Variants in FRS2 observed in about 807,000 individuals in gnomAD.
FRS2 encodes the protein fibroblast growth factor receptor substrate 2.
Under a neutral mutation model 43.9 loss-of-function variants are expected in FRS2, and 8 were observed. The observed-to-expected ratio is 0.18, with a 90% CI of 0.11 to 0.33. The LOEUF is 0.33. FRS2 is among the 10% of genes least tolerant of loss of function. The probability of loss-of-function intolerance (pLI) is 1.00; values close to 1 mark genes in which losing one functional copy is unlikely to be tolerated. For synonymous variants in FRS2, 219 were observed against 220.3 expected, an observed-to-expected ratio of 0.99 and a Z score of 0.05; for missense variants, 534 against 627.6, an observed-to-expected ratio of 0.85 and a Z score of 1.59.
chr12:69,519,465 G>A (rs940271206), intron 1 of FRS2, among the ~76,000 whole-genome samples: 1 of 152,134 alleles, frequency 6.6e-6, no homozygotes, highest in African/African-American at 2.4e-5. Flanking sequence ...TGGTAAACTT[G>A]TGTTACGGGG....
intron 1 of FRS2, among the ~76,000 whole-genome samples, chr12:69,525,309 T>C (rs1876105674): frequency 6.6e-6 from 1 of 152,164 alleles, no homozygotes; most frequent in Non-Finnish European, 1.5e-5. Flanking sequence ...TTTGTGAGTA[T>C]TCAAGAGGAA....
At chr12:69,525,245 T>G (rs1326312604) in intron 1 of FRS2, among the ~76,000 whole-genome samples, 1 of 151,990 alleles carries the variant, frequency 6.6e-6, no homozygotes, top group African/African-American at 2.4e-5. Context: ...CTAGAATGTG[T>G]GTAGCATGTT....
intron 3 of FRS2, among the ~76,000 whole-genome samples, chr12:69,544,303 C>T: frequency 6.6e-6 from 1 of 151,966 alleles, no homozygotes; most frequent in East Asian, 1.9e-4. Context: ...ATGTAATATA[C>T]ACATTAAAAG....
At chr12:69,543,594 G>A (rs952251314) in intron 3 of FRS2, among the ~76,000 whole-genome samples, 5 of 151,254 alleles carry the variant, frequency 3.3e-5, no homozygotes, top group Non-Finnish European at 5.9e-5. Context: ...AAAGGGTGTA[G>A]CATCATGGGC....
In FRS2 at chr12:69,470,501, C is replaced by G. The variant is rs1169923025; in HGVS notation, c.-290C>G. On this transcript the variant is annotated 5_prime_UTR_variant, in exon 1 of 9. Coordinates refer to ENST00000549921, the MANE Select transcript of FRS2 (RefSeq NM_001278356.2). ...GGGGGTTCGCGCCCGCCGACCCGCG[C>G]CCTGCTCCCTCTCAGCACCTGGGCG... 2.5e-6 allele frequency: 1 copy of G among 398,560 alleles called. No individual in the cohort carries two copies. Among genetic ancestry groups the G allele is most frequent in the Non-Finnish European group, 4.4e-6 (1 of 226,146 alleles). 24.7% of individuals were successfully genotyped at this position (398,560 alleles called of 1,614,324 possible).
intron 1 of FRS2, among the ~76,000 whole-genome samples, chr12:69,472,197 C>G (rs779470350): frequency 6.6e-6 from 1 of 150,414 alleles, no homozygotes; most frequent in Non-Finnish European, 1.5e-5. Flanking sequence ...AGCAGTCCTT[C>G]TGTCTCAGAC....
chr12:69,528,731 A>G (rs137911324), intron 1 of FRS2, among the ~76,000 whole-genome samples: 2,409 of 152,312 alleles, frequency 0.016, 20 homozygotes, highest in Non-Finnish European at 0.024. Context: ...ATTCTTTACA[A>G]ATTCTTTGCC....
Position 69,493,494 on chromosome 12 carries a change from G to A in FRS2, c.-261+22964G>A, listed in dbSNP as rs370341131. ...CCAGCACTTTGGAAGGCCAAGGCGG[G>A]TGGATCACCTGAGGTCGGGAGTTCA... is the stretch of plus-strand genomic sequence containing the variant. On this transcript the variant is annotated intron_variant, in intron 1 of 8. Coordinates refer to ENST00000549921, the MANE Select transcript of FRS2 (RefSeq NM_001278356.2). Among the ~76,000 whole-genome samples the A allele has an allele frequency of 1.5e-3, 234 of 152,364 alleles. 1 individual carries two copies. The highest frequency in any genetic ancestry group is 5.4e-3 in the African/African-American group (226 of 41,590).
intron 1 of FRS2, among the ~76,000 whole-genome samples, chr12:69,521,386 C>G (rs1402898288): frequency 6.6e-6 from 1 of 152,078 alleles, no homozygotes; most frequent in African/African-American, 2.4e-5. Context: ...ATTTGAATGC[C>G]CTTTATTTCT....
chr12:69,555,398 T>C (rs947147459), intron 3 of FRS2, among the ~76,000 whole-genome samples: 1 of 152,198 alleles, frequency 6.6e-6, no homozygotes, highest in Non-Finnish European at 1.5e-5. Context: ...TGTCATTAAA[T>C]AGCTTTTGAA....
chr12:69,547,830 CTTT>C (rs71094722), intron 3 of FRS2, among the ~76,000 whole-genome samples: 2 of 102,726 alleles, frequency 1.9e-5, no homozygotes, highest in African/African-American at 7.2e-5. Flanking sequence ...TCCATTAATA[CTTT>C]TTTTTTTTTT....
At chr12:69,543,777 A>G (rs879427518) in intron 3 of FRS2, among the ~76,000 whole-genome samples, 15 of 152,224 alleles carry the variant, frequency 9.9e-5, no homozygotes, top group Non-Finnish European at 1.9e-4. Context: ...AGATAGGAAC[A>G]TAATTAGTGT....
chr12:69,473,815 G>A (rs1309883962), intron 1 of FRS2, among the ~76,000 whole-genome samples: 1 of 152,200 alleles, frequency 6.6e-6, no homozygotes, highest in Non-Finnish European at 1.5e-5. Flanking sequence ...GGGGTTTTTG[G>A]AGCAGGTTTG....
chr12:69,544,944 T>A (rs1204308440), intron 3 of FRS2, among the ~76,000 whole-genome samples: 1 of 151,968 alleles, frequency 6.6e-6, no homozygotes, highest in Admixed American at 6.6e-5. Flanking sequence ...TGGAAAGAAG[T>A]AAAGTGGTCT....
At chr12:69,502,894 A>C (rs1467917428) in intron 1 of FRS2, among the ~76,000 whole-genome samples, 1 of 152,194 alleles carries the variant, frequency 6.6e-6, no homozygotes, top group African/African-American at 2.4e-5. Context: ...CAGCATCAGC[A>C]GCAGCTGCCG....
At chr12:69,513,565 G>A (rs1043675762) in intron 1 of FRS2, among the ~76,000 whole-genome samples, 10 of 152,120 alleles carry the variant, frequency 6.6e-5, no homozygotes, top group Non-Finnish European at 1.2e-4. Flanking sequence ...AGGAGTGTGC[G>A]TTAGCCTGTG....
intron 5 of FRS2, among the ~76,000 whole-genome samples, chr12:69,569,406 T>TG: frequency 6.6e-6 from 1 of 152,318 alleles, no homozygotes; most frequent in South Asian, 2.1e-4. Flanking sequence ...TTTTCATGTG[T>TG]GCCTGTGTGA....
chr12:69,571,548 A>G lies in FRS2; in HGVS notation c.412+114A>G, dbSNP rs1334355552. ...GAAATCACCACTGGATAACAGAAGT[A>G]TAATGGTTGTCAGTTTTTAAAAACA... is the stretch of plus-strand genomic sequence containing the variant. On this transcript the variant is annotated intron_variant, in intron 7 of 8. Coordinates refer to ENST00000549921, the MANE Select transcript of FRS2 (RefSeq NM_001278356.2). 9.2e-6 allele frequency: 8 copies of G among 871,508 alleles called. 1 individual carries two copies. The highest frequency in any genetic ancestry group is 3.4e-5 in the African/African-American group (2 of 58,130). 54.0% of individuals were successfully genotyped at this position (871,508 alleles called of 1,614,324 possible).
intron 1 of FRS2, among the ~76,000 whole-genome samples, chr12:69,478,382 T>C (rs1248057093): frequency 2.0e-5 from 3 of 152,266 alleles, no homozygotes; most frequent in East Asian, 1.9e-4. Flanking sequence ...TCTAGTGTTA[T>C]AGGAGAACTA....
Sources: allele counts gnomAD v4.1 joint callset (sites outside exome capture counted in the v4.1 genomes callset), GRCh38; gene constraint gnomAD v4.1.1; transcripts MANE v1.5; gene names NCBI Gene and HGNC (gene_info 2026-07-23, HGNC 2026-07-21).